The following CSTL1 variants were observed in gnomAD, a reference collection of about 807,000 sequenced individuals.
CSTL1 encodes the protein cystatin like 1.
A neutral mutation model predicts 14.4 loss-of-function variants in CSTL1; 14 were observed. The ratio of observed to expected loss-of-function variants is 0.97; its 90% CI spans 0.64 to 1.52. CSTL1 has a LOEUF of 1.52. CSTL1 is among the 40% of genes most tolerant of loss of function. The pLI is 0.00. For missense variants in CSTL1, 170 were observed against 168.7 expected (o/e 1.01, Z -0.04); for synonymous variants, 72 against 67.5 (o/e 1.07, Z -0.33).
chr20:23,443,797 C>A (rs1016749435), intron 2 of CSTL1, 137 bp from the exon 3 acceptor site: 5 of 630,046 alleles, frequency 7.9e-6, no homozygotes, highest in African/African-American at 7.4e-5. Flanking sequence ...GAGAAGGGAG[C>A]CATGCTTTTG....
At chr20:23,446,150 C>A (rs556071658), downstream of CSTL1, among the ~76,000 whole-genome samples, 1 of 152,280 alleles carries the variant, frequency 6.6e-6, no homozygotes, top group South Asian at 2.1e-4. Context: ...CACACTGAGG[C>A]CCTCTTCTCA....
Position 23,443,951 on chromosome 20 carries a change from G to GTAT in CSTL1, c.238_240dup (p.Tyr80dup). The GTAT allele has an allele frequency of 1.2e-6, 2 of 1,613,948 alleles. No individual in the cohort carries two copies. The highest frequency in any genetic ancestry group is 1.7e-6 in the Non-Finnish European group (2 of 1,179,798). On this transcript the variant is annotated inframe_insertion, in exon 3 of 4. Transcript: ENST00000347397. ...CTCGGCAGCTGACGACGGGAGTGGA[G>GTAT]TATATAGTCACTGTGAAGATTGGCT...
downstream of CSTL1, chr20:23,445,016 A>G: frequency 1.5e-6 from 1 of 664,030 alleles, no homozygotes; most frequent in East Asian, 2.7e-5. Context: ...GCACATACTT[A>G]CCTTCACAAC....
chr20:23,444,250 G>A (rs955037868), intron 3 of CSTL1, among the ~76,000 whole-genome samples: 4 of 152,222 alleles, frequency 2.6e-5, no homozygotes, highest in African/African-American at 4.8e-5. Flanking sequence ...GCCTCTGGTT[G>A]CCTGGACCCT....
the CSTL1 span, chr20:23,452,473 C>T: frequency 1.3e-6 from 1 of 751,344 alleles, no homozygotes; most frequent in South Asian, 1.6e-5. Flanking sequence ...AAAGTGCTCA[C>T]ATCAAGCTAA....
chr20:23,447,278 C>T (rs919238957), downstream of CSTL1, among the ~76,000 whole-genome samples: 2 of 152,054 alleles, frequency 1.3e-5, no homozygotes, highest in Non-Finnish European at 2.9e-5. Flanking sequence ...TCCGTGTGGT[C>T]GTGTGTAGTT....
the CSTL1 span, chr20:23,451,893 TCAGGTGATACTC>T: frequency 6.2e-7 from 1 of 1,613,942 alleles, no homozygotes; most frequent in Non-Finnish European, 8.5e-7. Context: ...ATTTCCACAT[TCAGGTGATACTC>T]CAGGTGGTCA....
the CSTL1 span, chr20:23,451,785 C>G: frequency 6.6e-7 from 1 of 1,511,688 alleles, no homozygotes; most frequent in Non-Finnish European, 9.2e-7. Context: ...AAAAGGACTT[C>G]TGTCTACGTT....
At chr20:23,450,341 A>T in the CSTL1 span, 2 of 505,816 alleles carry the variant, frequency 4.0e-6, no homozygotes, top group Non-Finnish European at 6.8e-6. Context: ...AGACTTTCAG[A>T]TTATTACTAT....
At chr20:23,453,890 A>G in the CSTL1 span, among the ~76,000 whole-genome samples, 1 of 152,086 alleles carries the variant, frequency 6.6e-6, no homozygotes, top group Non-Finnish European at 1.5e-5. Context: ...ACACACGGAC[A>G]CACAACACAT....
chr20:23,451,824 G>A, the CSTL1 span: 1 of 1,613,468 alleles, frequency 6.2e-7, no homozygotes, highest in Middle Eastern at 1.7e-4. Context: ...ACCTTGTGAA[G>A]CTCCCTTTCC....
intron 1 of CSTL1, 131 bp from the exon 2 acceptor site, chr20:23,440,013 C>A (rs1029609612): frequency 2.0e-6 from 1 of 503,666 alleles, no homozygotes; most frequent in Non-Finnish European, 3.6e-6. Flanking sequence ...GCTTGCACGC[C>A]TTAGCAGGTG....
At position 23,444,772 on chromosome 20, in the gene CSTL1, G is replaced by A. The variant is rs1372063043; in HGVS notation, c.332G>A (p.Ser111Asn). 2 of 1,603,834 alleles carry A rather than the reference G, an allele frequency of 1.2e-6. No homozygotes were observed. The highest frequency in any genetic ancestry group is 3.3e-5 in the Admixed American group (2 of 60,004). Reference sequence around the variant, plus strand: ...TCTGTTTTCTTTCTTCTTCTACAGAGTTTAATTTGCGAGTCTTTGATATAC... The same window carrying A: ...TCTGTTTTCTTTCTTCTTCTACAGAATTTAATTTGCGAGTCTTTGATATAC... ...CPLQSKKLRK[S>N]LICESLIYTM... The change falls in exon 4 of 4, where the codon AGT becomes AAT. Residue 111 changes from serine (S) to asparagine (N), a missense_variant and splice_region_variant. By Grantham distance (46) the Ser-to-Asn change is conservative. Coordinates refer to ENST00000347397, the MANE Select transcript of CSTL1 (RefSeq NM_138283.1).
At chr20:23,458,988 C>G in the CSTL1 span, 1 of 152,332 alleles carries the variant, frequency 6.6e-6, no homozygotes, top group African/African-American at 2.4e-5. Flanking sequence ...AAGTCTCCAG[C>G]ATACGTGCTG....
At chr20:23,447,767 A>G (rs1986997778), downstream of CSTL1, among the ~76,000 whole-genome samples, 1 of 152,124 alleles carries the variant, frequency 6.6e-6, no homozygotes, top group South Asian at 2.1e-4. Flanking sequence ...GGCCACATAC[A>G]TGTGTTTCTA....
chr20:23,440,392 A>G lies in CSTL1; in HGVS notation c.125A>G (p.Asn42Ser). Residue 42 changes from asparagine (N) to serine (S), a missense_variant, in exon 2 of 4, where the codon AAT becomes AGT. By Grantham distance (46) the Asn-to-Ser change is conservative (BLOSUM62 1). Transcript: ENST00000347397. Reference protein sequence around the residue: ...QQKLMSKKNMNSTLNFFIQSY... With the variant: ...QQKLMSKKNMSSTLNFFIQSY... ...AAGCTCATGAGCAAGAAGAACATGAATTCAACACTCAACTTCTTCATTCAA... is the reference window on the plus strand; with the variant it reads ...AAGCTCATGAGCAAGAAGAACATGAGTTCAACACTCAACTTCTTCATTCAA... 6.2e-7 allele frequency: 1 copy of G among 1,614,146 alleles called. No homozygotes were observed. Among genetic ancestry groups the G allele is most frequent in the Non-Finnish European group, 8.5e-7 (1 of 1,179,994 alleles).
chr20:23,447,132 A>G (rs1986984489), downstream of CSTL1, among the ~76,000 whole-genome samples: 1 of 152,230 alleles, frequency 6.6e-6, no homozygotes, highest in African/African-American at 2.4e-5. Flanking sequence ...TCTCCACTTT[A>G]TAGATGAAGA....
At chr20:23,456,136 C>T in the CSTL1 span, among the ~76,000 whole-genome samples, 1 of 152,224 alleles carries the variant, frequency 6.6e-6, no homozygotes, top group Non-Finnish European at 1.5e-5. Flanking sequence ...GCTTCACTTG[C>T]AAGTGTCATC....
the CSTL1 span, among the ~76,000 whole-genome samples, chr20:23,455,047 G>A: frequency 6.6e-6 from 1 of 152,158 alleles, no homozygotes; most frequent in Non-Finnish European, 1.5e-5. Context: ...ATGAGGACAT[G>A]ATGGCTGGAG....
Sources: gnomAD v4.1 joint callset for allele counts (sites outside exome capture counted in the v4.1 genomes callset) on GRCh38, gnomAD v4.1.1 for gene constraint, MANE v1.5 for transcripts, NCBI Gene and HGNC (gene_info 2026-07-23, HGNC 2026-07-21) for gene names.